ATXN1: variants seen among roughly 807,000 people sequenced by gnomAD.
ATXN1 encodes the protein ataxin 1, also known as ataxin-1.
Under a neutral mutation model 56.4 loss-of-function variants are expected in ATXN1, and 8 were observed. That is an observed-to-expected ratio of 0.14 (90% confidence interval 0.08 to 0.26). ATXN1 has a LOEUF of 0.26. Among genes scored for constraint, ATXN1 ranks in the 10% least tolerant of loss-of-function variants. ATXN1 has a pLI of 1.00. For synonymous variants in ATXN1, 514 were observed against 494.6 expected (o/e 1.04, Z -0.52); for missense variants, 987 against 1,106.5 (o/e 0.89, Z 1.53).
At chr6:16,664,432 G>A (rs1211683388) in intron 2 of ATXN1, among the ~76,000 whole-genome samples, 6 of 152,062 alleles carry the variant, frequency 3.9e-5, no homozygotes, top group Admixed American at 6.5e-5. Context: ...CAGCCGGTAC[G>A]TTCCATAGGA....
rs778671486 is a variant in ATXN1, at chr6:16,306,305, C to T, written c.*24G>A. The T allele has an allele frequency of 4.5e-6, 7 of 1,573,014 alleles. No homozygotes were observed. Among genetic ancestry groups the T allele is most frequent in the South Asian group, 1.2e-5 (1 of 85,316 alleles). ...GGATACAAATGATAAGGGAGAGCCA[C>T]GTTTCCTTTCCCCCACGCTGCCTCT... On this transcript the variant is annotated 3_prime_UTR_variant, in exon 8 of 8. Coordinates refer to ENST00000436367, the MANE Select transcript of ATXN1 (RefSeq NM_001128164.2). The surrounding 1 kb of genome is among the most constrained non-coding windows in gnomAD (Gnocchi z 5.2).
chr6:16,708,331 A>C (rs1759449339), intron 2 of ATXN1, among the ~76,000 whole-genome samples: 1 of 152,176 alleles, frequency 6.6e-6, no homozygotes, highest in African/African-American at 2.4e-5. Context: ...TATGAAGAGA[A>C]ATAAATAAAT....
intron 4 of ATXN1, among the ~76,000 whole-genome samples, chr6:16,561,222 G>A (rs749547812): frequency 5.9e-5 from 9 of 152,098 alleles, no homozygotes; most frequent in Non-Finnish European, 1.2e-4. Context: ...GGGCTGTATA[G>A]TGATGCCATA....
chr6:16,333,173 G>A (rs996730740), intron 6 of ATXN1, among the ~76,000 whole-genome samples: 16 of 152,086 alleles, frequency 1.1e-4, no homozygotes, highest in African/African-American at 9.7e-5. Context: ...AACCTAATAC[G>A]GCTGCAAATA....
chr6:16,460,857 A>G (rs1382925455), intron 6 of ATXN1, among the ~76,000 whole-genome samples: 2 of 152,232 alleles, frequency 1.3e-5, no homozygotes, highest in African/African-American at 2.4e-5. Context: ...AGCAGAACTT[A>G]CCCAAGCCTT....
chr6:16,578,731 A>G (rs2113757763), intron 4 of ATXN1, among the ~76,000 whole-genome samples: 1 of 145,156 alleles, frequency 6.9e-6, no homozygotes. Flanking sequence ...TAACTAGAGT[A>G]GCAGGAAAAA....
intron 6 of ATXN1, among the ~76,000 whole-genome samples, chr6:16,373,328 T>G (rs1411408165): frequency 1.3e-5 from 2 of 152,244 alleles, no homozygotes; most frequent in African/African-American, 4.8e-5. Flanking sequence ...TTTACTTATT[T>G]TATTTTCTAT....
At chr6:16,649,652 A>G (rs1763860859) in intron 3 of ATXN1, among the ~76,000 whole-genome samples, 1 of 152,256 alleles carries the variant, frequency 6.6e-6, no homozygotes, top group African/African-American at 2.4e-5. Flanking sequence ...CTGTTTAACC[A>G]AAAACATCTA....
intron 6 of ATXN1, chr6:16,433,120 G>A (rs1759319321): frequency 2.0e-5 from 3 of 148,190 alleles, no homozygotes; most frequent in Non-Finnish European, 4.4e-5. Context: ...GAGAAAAGAA[G>A]GTTGAAGAAA....
At chr6:16,454,259 A>G (rs775531660) in intron 6 of ATXN1, among the ~76,000 whole-genome samples, 1 of 152,094 alleles carries the variant, frequency 6.6e-6, no homozygotes, top group Non-Finnish European at 1.5e-5. Context: ...AATCCCTGCC[A>G]TCAGAGAGCT....
chr6:16,709,523 A>G (rs1257097437), intron 2 of ATXN1, among the ~76,000 whole-genome samples: 2 of 152,178 alleles, frequency 1.3e-5, no homozygotes, highest in East Asian at 1.9e-4. Context: ...TTGTACATCA[A>G]AAAAGGGAAT....
chr6:16,485,431 C>A (rs1760525520), intron 6 of ATXN1: 1 of 152,158 alleles, frequency 6.6e-6, no homozygotes, highest in Admixed American at 6.5e-5. Context: ...ACCAGTAAAT[C>A]AGCTCATTTT....
At chr6:16,594,012 G>A (rs1762769997) in intron 3 of ATXN1, among the ~76,000 whole-genome samples, 2 of 148,234 alleles carry the variant, frequency 1.3e-5, no homozygotes, top group South Asian at 4.2e-4. Context: ...TATAGAGATA[G>A]AAGCTAATAT....
intron 6 of ATXN1, among the ~76,000 whole-genome samples, chr6:16,352,225 A>G (rs1391878144): frequency 6.6e-6 from 1 of 152,226 alleles, no homozygotes. Flanking sequence ...CTGAGTCTCA[A>G]TCTATAACGT....
intron 3 of ATXN1, among the ~76,000 whole-genome samples, chr6:16,639,555 T>G (rs1763667384): frequency 6.6e-6 from 1 of 152,192 alleles, no homozygotes; most frequent in Admixed American, 6.5e-5. Flanking sequence ...CTCAGGTGAT[T>G]CGCCTGCCTC....
chr6:16,637,287 A>G (rs186594520), intron 3 of ATXN1, among the ~76,000 whole-genome samples: 1 of 146,578 alleles, frequency 6.8e-6, no homozygotes, highest in Non-Finnish European at 1.5e-5. Flanking sequence ...ATAGGTGGGA[A>G]TTGAACAATG....
At position 16,550,830 on chromosome 6, in the gene ATXN1, C is replaced by T. The variant is rs148841420; in HGVS notation, c.-360-28142G>A. On this transcript the variant is annotated intron_variant, in intron 4 of 7. Coordinates refer to ENST00000436367, the MANE Select transcript of ATXN1 (RefSeq NM_001128164.2). ...AGCAATATGGTAGCAATAATATCAC[C>T]TCATGTTTGTATTCCATATTTGAAA... Among the ~76,000 whole-genome samples, 1,002 of 152,204 alleles carry T rather than the reference C, an allele frequency of 6.6e-3. 11 individuals carry two copies. Among genetic ancestry groups the T allele is most frequent in the African/African-American group, 0.019 (791 of 41,526 alleles).
chr6:16,676,448 T>C (rs956204280), intron 2 of ATXN1, among the ~76,000 whole-genome samples: 12 of 152,224 alleles, frequency 7.9e-5, no homozygotes, highest in African/African-American at 2.9e-4. Flanking sequence ...TTAGCACTAG[T>C]TTCATACATC....
intron 3 of ATXN1, among the ~76,000 whole-genome samples, chr6:16,645,679 G>A (rs2113825373): frequency 6.6e-6 from 1 of 152,292 alleles, no homozygotes; most frequent in East Asian, 1.9e-4. Context: ...TAATTGAAAT[G>A]CAAAAATTAC....
Sources: gnomAD v4.1 joint callset for allele counts (sites outside exome capture counted in the v4.1 genomes callset) on GRCh38, gnomAD v4.1.1 for gene constraint, Gnocchi (gnomAD v3.1) non-coding constraint, MANE v1.5 for transcripts, NCBI Gene and HGNC (gene_info 2026-07-23, HGNC 2026-07-21) for gene names.